LPP: variants seen among roughly 807,000 people sequenced by gnomAD.
LPP encodes lipoma-preferred partner.
A neutral mutation model predicts 60.4 loss-of-function variants in LPP; 38 were observed. The ratio of observed to expected loss-of-function variants is 0.63; its 90% CI spans 0.49 to 0.83. LPP has a LOEUF of 0.83. Ranked by LOEUF, LPP falls within the 40% of genes least tolerant of loss-of-function variation. The pLI, the probability that LPP is intolerant of heterozygous loss-of-function variation, is 0.00. For synonymous variants in LPP, 328 were observed against 290.8 expected, an observed-to-expected ratio of 1.13 and a Z score of -1.30; for missense variants, 902 against 783.6, an observed-to-expected ratio of 1.15 and a Z score of -1.80.
At chr3:188,852,851 G>A (rs1218883395) in intron 9 of LPP, among the ~76,000 whole-genome samples, 1 of 152,092 alleles carries the variant, frequency 6.6e-6, no homozygotes, top group East Asian at 1.9e-4. Context: ...TTTAAGATTA[G>A]CATTAGGAGG....
chr3:188,761,319 A>G lies in LPP; in HGVS notation c.1410+1037A>G, dbSNP rs6799672. Among the ~76,000 whole-genome samples, 403 of 152,312 alleles carry G rather than the reference A, an allele frequency of 2.6e-3. 2 individuals are homozygous for G. The highest frequency in any genetic ancestry group is 9.2e-3 in the African/African-American group (384 of 41,574). ...TCCTATAACTTGGCAGCTCTAACCC[A>G]TTGTAACCTTGGGGTCTGTAGCACA... On this transcript the variant is annotated intron_variant, in intron 9 of 11. Transcript: ENST00000617246.
chr3:188,826,697 A>G (rs1011343158), intron 9 of LPP, among the ~76,000 whole-genome samples: 1 of 152,044 alleles, frequency 6.6e-6, no homozygotes, highest in African/African-American at 2.4e-5. Context: ...CTGTTCTTTA[A>G]GACTCAACTC....
intron 3 of LPP, among the ~76,000 whole-genome samples, chr3:188,357,329 A>G (rs536281480): frequency 1.3e-5 from 2 of 152,352 alleles, no homozygotes; most frequent in African/African-American, 2.4e-5. Flanking sequence ...AAAGTTCCTC[A>G]GGAATCAAAC....
rs1407994037 is a variant in LPP, at chr3:188,609,458, A to G, written c.727A>G (p.Ile243Val). 3 of 1,613,978 alleles carry G rather than the reference A, an allele frequency of 1.9e-6. No homozygotes were observed. Among genetic ancestry groups the G allele is most frequent in the Non-Finnish European group, 2.5e-6 (3 of 1,180,030 alleles). Residue 243 changes from isoleucine to valine, a missense_variant, in exon 7 of 12, where the codon ATT (isoleucine) becomes GTT (valine). Ile to Val is a conservative substitution (Grantham distance 29, BLOSUM62 3). Transcript: ENST00000617246. This position sits in a 1 kb window ranked among gnomAD's most constrained non-coding sequence, Gnocchi z 6.9. Reference sequence around the variant, plus strand: ...TATGGCTGCCCCTTCATCAGGACAAATTTATGGCTCAGGGCCCCAGGGCTA... The same window carrying G: ...TATGGCTGCCCCTTCATCAGGACAAGTTTATGGCTCAGGGCCCCAGGGCTA... ...HYMAAPSSGQ[I>V]YGSGPQGYNT... is the part of the protein sequence containing the mutation.
intron 2 of LPP, chr3:188,239,796 C>T (rs1723236985): frequency 9.3e-6 from 2 of 215,962 alleles, no homozygotes; most frequent in Non-Finnish European, 1.9e-5. Context: ...TGCGCAACAT[C>T]ATGCAAAAAG....
chr3:188,577,868 TC>T (rs1835128714), intron 6 of LPP, among the ~76,000 whole-genome samples: 2 of 133,080 alleles, frequency 1.5e-5, no homozygotes, highest in South Asian at 2.7e-4. Flanking sequence ...TCTTTTCCTC[TC>T]CCCCTTCTGT....
intron 6 of LPP, among the ~76,000 whole-genome samples, chr3:188,544,603 A>T (rs887694791): frequency 3.0e-5 from 4 of 131,666 alleles, no homozygotes; most frequent in African/African-American, 5.9e-5. Context: ...GTCAGGAAAC[A>T]ACAGGTGCTG....
At chr3:188,162,184 T>G (rs1577053113) in intron 1 of LPP, among the ~76,000 whole-genome samples, 1 of 152,310 alleles carries the variant, frequency 6.6e-6, no homozygotes, top group East Asian at 1.9e-4. Context: ...CAAATACATT[T>G]TATAATCATT....
chr3:188,598,044 G>A (rs998976682), intron 6 of LPP, among the ~76,000 whole-genome samples: 1 of 152,120 alleles, frequency 6.6e-6, no homozygotes, highest in African/African-American at 2.4e-5. Context: ...CTTCCTAAAG[G>A]AGGCATCATT....
intron 2 of LPP, among the ~76,000 whole-genome samples, chr3:188,310,016 C>T (rs1405011277): frequency 6.6e-6 from 1 of 151,954 alleles, no homozygotes; most frequent in Non-Finnish European, 1.5e-5. Flanking sequence ...GAATCTTTCA[C>T]ACAGGCCAAA....
intron 5 of LPP, among the ~76,000 whole-genome samples, chr3:188,507,471 A>AT (rs796527201): frequency 0.018 from 2,698 of 146,848 alleles, 70 homozygotes; most frequent in African/African-American, 0.06. Context: ...AAATATGGGA[A>AT]TTTTTTTTTT....
intron 4 of LPP, among the ~76,000 whole-genome samples, chr3:188,449,452 A>G (rs888094299): frequency 1.3e-5 from 2 of 152,206 alleles, no homozygotes; most frequent in African/African-American, 4.8e-5. Context: ...AACATTTATC[A>G]GCCACTTCCC....
At chr3:188,749,597 C>A (rs1203781492) in intron 8 of LPP, among the ~76,000 whole-genome samples, 2 of 152,162 alleles carry the variant, frequency 1.3e-5, no homozygotes, top group African/African-American at 4.8e-5. Context: ...TATGGTCCAG[C>A]TCAAAGATCA....
At chr3:188,371,157 G>A (rs1397258013) in intron 3 of LPP, among the ~76,000 whole-genome samples, 1 of 151,808 alleles carries the variant, frequency 6.6e-6, no homozygotes, top group Non-Finnish European at 1.5e-5. Flanking sequence ...TTTCATGGAG[G>A]GTTACTGGTA....
chr3:188,327,162 A>AT (rs1758653100), intron 2 of LPP, among the ~76,000 whole-genome samples: 1 of 152,154 alleles, frequency 6.6e-6, no homozygotes. Flanking sequence ...CCAAAGACTG[A>AT]TTCTTCTGCT....
At chr3:188,359,416 G>C (rs1251971877) in intron 3 of LPP, among the ~76,000 whole-genome samples, 1 of 152,196 alleles carries the variant, frequency 6.6e-6, no homozygotes, top group Admixed American at 6.5e-5. Context: ...CTAGCTGGCT[G>C]CCCTGAGAAC....
chr3:188,801,873 T>A (rs961916335), intron 9 of LPP, among the ~76,000 whole-genome samples: 2 of 152,202 alleles, frequency 1.3e-5, no homozygotes, highest in African/African-American at 4.8e-5. Context: ...TTGTGAGGAA[T>A]TATCCAAGTA....
chr3:188,857,142 G>A (rs897097760), intron 9 of LPP, among the ~76,000 whole-genome samples: 1 of 152,142 alleles, frequency 6.6e-6, no homozygotes, highest in Non-Finnish European at 1.5e-5. Flanking sequence ...TACCACAATA[G>A]GCAAATCAGC....
At chr3:188,466,073 T>A (rs1800298408) in intron 4 of LPP, among the ~76,000 whole-genome samples, 1 of 152,132 alleles carries the variant, frequency 6.6e-6, no homozygotes, top group African/African-American at 2.4e-5. Context: ...TCCTAGGTAC[T>A]CTCCTTTAGA....
Sources: allele counts gnomAD v4.1 joint callset (sites outside exome capture counted in the v4.1 genomes callset), GRCh38; gene constraint gnomAD v4.1.1; non-coding constraint Gnocchi (gnomAD v3.1); transcripts MANE v1.5; gene names NCBI Gene and HGNC (gene_info 2026-07-23, HGNC 2026-07-21).